The following TRAPPC8 variants were observed in gnomAD, a reference collection of about 807,000 sequenced individuals.
The protein encoded by TRAPPC8 is general sporulation gene 1 homolog.
Under a neutral mutation model 174.3 loss-of-function variants are expected in TRAPPC8, and 54 were observed. The observed-to-expected ratio is 0.31, with a 90% confidence interval of 0.25 to 0.39. The LOEUF is 0.39. Among genes scored for constraint, TRAPPC8 ranks in the 10% least tolerant of loss-of-function variants. The pLI, the probability that TRAPPC8 is intolerant of heterozygous loss-of-function variation, is 1.00. For synonymous variants in TRAPPC8, 630 were observed against 579.9 expected (o/e 1.09, Z -1.24); for missense variants, 1,531 against 1,699.1 (o/e 0.90, Z 1.74).
chr18:31,906,281 G>A (rs1379392771), intron 9 of TRAPPC8, among the ~76,000 whole-genome samples: 13 of 147,346 alleles, frequency 8.8e-5, no homozygotes, highest in Admixed American at 1.4e-4. Context: ...GGAGGTTGCC[G>A]TGAGCTGAAA....
intron 18 of TRAPPC8, 63 bp from the exon 19 acceptor site, chr18:31,864,844 TTGAA>T (rs2034510852): frequency 1.4e-6 from 2 of 1,382,754 alleles, no homozygotes; most frequent in Admixed American, 2.5e-5. Context: ...TCAATTTAAC[TTGAA>T]TATGTGAATA....
chr18:31,930,090 G>A (rs2037784604), intron 2 of TRAPPC8, among the ~76,000 whole-genome samples: 1 of 150,650 alleles, frequency 6.6e-6, no homozygotes, highest in Admixed American at 6.6e-5. Context: ...ACATATGCCT[G>A]TTTCAAATTC....
chr18:31,886,298 T>C (rs2035709390), intron 12 of TRAPPC8, among the ~76,000 whole-genome samples: 1 of 125,710 alleles, frequency 8.0e-6, no homozygotes, highest in Admixed American at 9.3e-5. Flanking sequence ...TGTGAGCCAA[T>C]ACGCCCAGCC....
In TRAPPC8 at chr18:31,902,776, C is replaced by T. The variant is rs185660204; in HGVS notation, c.1390-1751G>A. On this transcript the variant is annotated intron_variant, in intron 9 of 28. Transcript: ENST00000283351. ...TTGAAAATAGCCCCTACTGGCCAGG[C>T]GCGGTGGCTCACGCCTGTAATCCAG... 2.2e-4 allele frequency among the ~76,000 whole-genome samples: 33 copies of T among 152,048 alleles called. No homozygotes were observed. The South Asian group carries it at 4.6e-3, about 21-fold the overall frequency.
intron 2 of TRAPPC8, among the ~76,000 whole-genome samples, chr18:31,925,643 CAAAAG>C (rs1024439810): frequency 5.3e-5 from 8 of 152,030 alleles, no homozygotes; most frequent in Non-Finnish European, 1.0e-4. Context: ...ACCAGACTGT[CAAAAG>C]AAGCTACTCA....
At position 31,936,877 on chromosome 18, in the gene TRAPPC8, G is replaced by A. The variant is rs187706624; in HGVS notation, c.158-5354C>T. Among the ~76,000 whole-genome samples, 878 of 143,074 alleles carry A rather than the reference G, an allele frequency of 6.1e-3. 11 individuals carry two copies. Among genetic ancestry groups the A allele is most frequent in the Admixed American group, 0.011 (153 of 13,704 alleles). 93.9% of individuals were successfully genotyped at this position (143,074 alleles called of 152,430 possible). On this transcript the variant is annotated intron_variant, in intron 1 of 28. Transcript: ENST00000283351. ...AGATTGTGCGACGGCACTGCAGTCT[G>A]GGTGACAGAGCAAGACTCCGTCTTT...
At chr18:31,836,812 A>G (rs1441413449) in intron 27 of TRAPPC8, among the ~76,000 whole-genome samples, 1 of 132,788 alleles carries the variant, frequency 7.5e-6, no homozygotes, top group Non-Finnish European at 1.5e-5. Flanking sequence ...CCCAGGCTGG[A>G]CTGCAGTGGC....
intron 21 of TRAPPC8, among the ~76,000 whole-genome samples, chr18:31,854,965 C>CACAA (rs2033919463): frequency 2.2e-5 from 1 of 45,658 alleles, no homozygotes; most frequent in African/African-American, 9.6e-5. Flanking sequence ...GACTCCATCT[C>CACAA]AAAAAAAAAA....
At chr18:31,837,462 C>T (rs867674086) in intron 27 of TRAPPC8, among the ~76,000 whole-genome samples, 4 of 152,186 alleles carry the variant, frequency 2.6e-5, no homozygotes, top group South Asian at 4.2e-4. Context: ...TTTGGGAGGC[C>T]GAGGCAATCT....
At chr18:31,920,664 GCA>G (rs750373767) in intron 2 of TRAPPC8, among the ~76,000 whole-genome samples, 44 of 151,956 alleles carry the variant, frequency 2.9e-4, no homozygotes, top group Admixed American at 7.9e-4. Context: ...AAATGGCCAG[GCA>G]CAGTGGCTCA....
At chr18:31,886,460 G>A (rs199749288) in intron 12 of TRAPPC8, among the ~76,000 whole-genome samples, 2 of 151,980 alleles carry the variant, frequency 1.3e-5, no homozygotes, top group South Asian at 4.1e-4. Context: ...TGTTCAAGTG[G>A]ATTTTCGAAT....
At chr18:31,904,594 T>G (rs184398363) in intron 9 of TRAPPC8, among the ~76,000 whole-genome samples, 37 of 152,346 alleles carry the variant, frequency 2.4e-4, no homozygotes, top group African/African-American at 8.4e-4. Context: ...AACCTGATAG[T>G]TCCATGAATG....
At chr18:31,870,163 T>C (rs1184407130) in intron 16 of TRAPPC8, 4 of 350,580 alleles carry the variant, frequency 1.1e-5, no homozygotes, top group Non-Finnish European at 2.1e-5. Context: ...TATTTCTAAA[T>C]ATTATGAAGA....
intron 12 of TRAPPC8, among the ~76,000 whole-genome samples, chr18:31,885,017 C>T (rs1356143235): frequency 6.6e-6 from 1 of 150,780 alleles, no homozygotes; most frequent in Non-Finnish European, 1.5e-5. Context: ...CCACGCCCGG[C>T]TAATTTTTTT....
intron 22 of TRAPPC8, among the ~76,000 whole-genome samples, chr18:31,853,323 A>G (rs1313684791): frequency 2.0e-5 from 3 of 152,162 alleles, no homozygotes; most frequent in Admixed American, 1.3e-4. Flanking sequence ...GCTGGAGTGC[A>G]GTGGCATGAT....
At position 31,916,279 on chromosome 18, in the gene TRAPPC8, C is replaced by A; in HGVS notation, c.610G>T (p.Glu204Ter). ...VLLHDVSAGD[E>*]QRAESIYEEM... ...ACTAAAATAAAAACTTACCTCTGTTCATCTCCTGCACTTACATCATGTAAA... is the reference window on the plus strand; with the variant it reads ...ACTAAAATAAAAACTTACCTCTGTTAATCTCCTGCACTTACATCATGTAAA... Residue 204 changes from glutamate to a stop codon, truncating the protein, a stop_gained, in exon 4 of 29, where the codon GAA (glutamate) becomes TAA (stop). Transcript: ENST00000283351. LOFTEE classifies it high-confidence loss of function. 6.6e-7 allele frequency: 1 copy of A among 1,514,736 alleles called. No homozygotes were observed. Among genetic ancestry groups the A allele is most frequent in the South Asian group, 1.4e-5 (1 of 71,274 alleles). The allele number at this position is 1,514,736 out of a possible 1,614,324, so 93.8% of individuals were successfully genotyped here.
chr18:31,937,899 C>T (rs904572436), intron 1 of TRAPPC8, among the ~76,000 whole-genome samples: 2 of 152,006 alleles, frequency 1.3e-5, no homozygotes, highest in Admixed American at 6.6e-5. Context: ...GATGGGGTTT[C>T]GCCACGTTAG....
At position 31,846,766 on chromosome 18, in the gene TRAPPC8, CATG is replaced by C; in HGVS notation, c.3784_3786del (p.His1262del). ...TCTTTTCCTATAGTGCGAAGAATAA[CATG>C]ATGTTGACCTTCCAAAATAAGCTGT... On this transcript the variant is annotated inframe_deletion, in exon 26 of 29. Transcript: ENST00000283351. The C allele has an allele frequency of 6.2e-7, 1 of 1,612,878 alleles. No homozygotes were observed. The highest frequency in any genetic ancestry group is 8.5e-7 in the Non-Finnish European group (1 of 1,179,162).
chr18:31,889,555 G>T (rs149168016), intron 12 of TRAPPC8, among the ~76,000 whole-genome samples: 1 of 152,138 alleles, frequency 6.6e-6, no homozygotes, highest in African/African-American at 2.4e-5. Context: ...ACACAGTGGC[G>T]TAACATGTTT....
Sources: allele counts gnomAD v4.1 joint callset (sites outside exome capture counted in the v4.1 genomes callset), GRCh38; gene constraint gnomAD v4.1.1; transcripts MANE v1.5; gene names NCBI Gene and HGNC (gene_info 2026-07-23, HGNC 2026-07-21).